The following BTD variants were observed in gnomAD, a reference collection of about 807,000 sequenced individuals.
The protein encoded by BTD is biocytinase.
BTD carries 13 observed loss-of-function variants against 17.7 expected under a neutral mutation model. The ratio of observed to expected loss-of-function variants is 0.74; its 90% CI spans 0.48 to 1.17. The LOEUF is 1.17. Ranked by LOEUF, BTD falls within the 50% of genes most tolerant of loss-of-function variation. The pLI is 0.00. For synonymous variants in BTD, 240 were observed against 245.2 expected, an observed-to-expected ratio of 0.98 and a Z score of 0.20; for missense variants, 674 against 650.4, an observed-to-expected ratio of 1.04 and a Z score of -0.39.
downstream of BTD, among the ~76,000 whole-genome samples, chr3:15,717,513 T>G: frequency 6.7e-6 from 1 of 149,014 alleles, no homozygotes; most frequent in East Asian, 1.9e-4. Flanking sequence ...AGCAGAAAAC[T>G]AGGAGTATTA....
rs2065689592 is a variant in BTD at position 15,646,126 on chromosome 3, T to C, written c.*638T>C. ...AGTAATGGAATTTTCTGTCAGTAAA[T>C]GGAATGTGTAGGCAGGACCTGGAAT... is the stretch of plus-strand genomic sequence containing the variant. On this transcript the variant is annotated 3_prime_UTR_variant, in exon 4 of 4. Coordinates refer to ENST00000643237, the MANE Select transcript of BTD (RefSeq NM_001370658.1). 6.6e-6 allele frequency: 1 copy of C among 151,966 alleles called. No homozygotes were observed. Among genetic ancestry groups the C allele is most frequent in the Non-Finnish European group, 1.5e-5 (1 of 68,104 alleles). The allele number at this position is 151,966 out of a possible 1,614,324, so 9.4% of individuals were successfully genotyped here.
intron 3 of BTD, among the ~76,000 whole-genome samples, chr3:15,643,480 G>A (rs964554253): frequency 2.6e-5 from 4 of 151,728 alleles, no homozygotes; most frequent in African/African-American, 4.8e-5. Context: ...CAGCCTGGGC[G>A]ACAGAGCCAG....
rs1201251362 is a variant in BTD, at chr3:15,644,794, T to C, written c.878T>C (p.Ile293Thr). Residue 293 changes from isoleucine to threonine, a missense_variant, in exon 4 of 4, where the codon ATA (isoleucine) becomes ACA (threonine). Ile to Thr is a moderately conservative substitution (Grantham distance 89). Coordinates refer to ENST00000643237, the MANE Select transcript of BTD (RefSeq NM_001370658.1). ...HPVLGMTGSG[I>T]HTPLESFWYH... ...GTTCTGGGGATGACAGGAAGTGGCA[T>C]ACACACCCCTCTGGAGTCCTTTTGG... The C allele has an allele frequency of 1.9e-6, 3 of 1,614,030 alleles. No homozygotes were observed. Among genetic ancestry groups the C allele is most frequent in the African/African-American group, 1.3e-5 (1 of 74,898 alleles).
At chr3:15,617,633 C>G (rs1015381068) in intron 1 of BTD, among the ~76,000 whole-genome samples, 1 of 152,098 alleles carries the variant, frequency 6.6e-6, no homozygotes, top group Admixed American at 6.5e-5. Context: ...CAGTAGAGTT[C>G]AATAGTTTTC....
At chr3:15,620,780 C>T (rs2064929090) in intron 1 of BTD, among the ~76,000 whole-genome samples, 1 of 152,370 alleles carries the variant, frequency 6.6e-6, no homozygotes, top group East Asian at 1.9e-4. Flanking sequence ...TCCCTCCATT[C>T]AGGGTCCCTG....
Position 15,635,813 on chromosome 3 carries a change from C to T in BTD, c.249+125C>T. On this transcript the variant is annotated intron_variant, in intron 2 of 3. Coordinates refer to ENST00000643237, the MANE Select transcript of BTD (RefSeq NM_001370658.1). The surrounding 1 kb of genome is among the most constrained non-coding windows in gnomAD (Gnocchi z 4.1). ...CTGAAAAAGCATCCAGGTAGTTAACCTGAGTTGAGTTAGTCAGTTGAATTA... is the reference window on the plus strand; with the variant it reads ...CTGAAAAAGCATCCAGGTAGTTAACTTGAGTTGAGTTAGTCAGTTGAATTA... The T allele has an allele frequency of 7.2e-7, 1 of 1,387,500 alleles. No homozygotes were observed. Among genetic ancestry groups the T allele is most frequent in the Non-Finnish European group, 1.0e-6 (1 of 990,954 alleles). 85.9% of individuals were successfully genotyped at this position (1,387,500 alleles called of 1,614,324 possible).
chr3:15,720,227 A>AC (rs1414777950), intron 4 of BTD, among the ~76,000 whole-genome samples: 1 of 152,112 alleles, frequency 6.6e-6, no homozygotes, highest in African/African-American at 2.4e-5. Context: ...ACAAAAAAAA[A>AC]CCAAAAAGCA....
At chr3:15,687,637 A>G (rs987253071) in intron 3 of BTD, among the ~76,000 whole-genome samples, 7 of 152,220 alleles carry the variant, frequency 4.6e-5, no homozygotes, top group Non-Finnish European at 7.3e-5. Context: ...AATATTCCAC[A>G]GTATGTTCCC....
intron 4 of BTD, chr3:15,721,078 T>C (rs2124920662): frequency 6.2e-7 from 1 of 1,613,820 alleles, no homozygotes; most frequent in East Asian, 2.2e-5. Context: ...TTGTCCATTA[T>C]AGCAGGCTAC....
chr3:15,627,440 C>G (rs1367126162), intron 1 of BTD, among the ~76,000 whole-genome samples: 3 of 152,122 alleles, frequency 2.0e-5, no homozygotes, highest in Non-Finnish European at 2.9e-5. Context: ...GTTGCCCAGG[C>G]TAGTTTCAAC....
intron 3 of BTD, chr3:15,689,877 G>T: frequency 2.9e-6 from 2 of 682,796 alleles, no homozygotes; most frequent in Non-Finnish European, 4.8e-6. Flanking sequence ...GTTATTTGGT[G>T]AGGTCAAATA....
chr3:15,670,391 G>C, intron 3 of BTD: 1 of 1,613,944 alleles, frequency 6.2e-7, no homozygotes, highest in Non-Finnish European at 8.5e-7. Context: ...GATGGGCAAA[G>C]CTTCAAAGCT....
chr3:15,707,986 A>C, intron 3 of BTD: 1 of 1,612,404 alleles, frequency 6.2e-7, no homozygotes, highest in Non-Finnish European at 8.5e-7. Context: ...CATCAAGGTC[A>C]TTCACACTTG....
intron 4 of BTD, among the ~76,000 whole-genome samples, chr3:15,718,331 G>A (rs2073311133): frequency 6.6e-6 from 1 of 152,222 alleles, no homozygotes; most frequent in Non-Finnish European, 1.5e-5. Flanking sequence ...ATCACAGGCT[G>A]TTGCTGTCAA....
chr3:15,607,667 C>T (rs952217754), intron 1 of BTD, among the ~76,000 whole-genome samples: 4 of 152,226 alleles, frequency 2.6e-5, no homozygotes, highest in South Asian at 2.1e-4. Context: ...GAAATGTTTA[C>T]TTATCAAATG....
At chr3:15,695,836 A>G (rs2069460223) in intron 3 of BTD, among the ~76,000 whole-genome samples, 1 of 152,140 alleles carries the variant, frequency 6.6e-6, no homozygotes, top group South Asian at 2.1e-4. Flanking sequence ...ACACAGTTAT[A>G]GTTTTTTAGA....
downstream of BTD, chr3:15,714,552 A>C (rs564911649): frequency 5.3e-3 from 7,287 of 1,366,494 alleles, 40 homozygotes; most frequent in African/African-American, 0.013. Flanking sequence ...AAAAAACCCC[A>C]AAAAAAAAAC....
chr3:15,722,380 T>C (rs1559407477), downstream of BTD, among the ~76,000 whole-genome samples: 1 of 152,246 alleles, frequency 6.6e-6, no homozygotes, highest in Non-Finnish European at 1.5e-5. Flanking sequence ...AACAGTAATG[T>C]GTCCTGACTC....
chr3:15,623,205 G>T (rs1479773848), intron 1 of BTD, among the ~76,000 whole-genome samples: 2 of 152,148 alleles, frequency 1.3e-5, no homozygotes. Flanking sequence ...ACAATTCAAG[G>T]TGAAATTTGG....
Sources: gnomAD v4.1 joint callset for allele counts (sites outside exome capture counted in the v4.1 genomes callset) on GRCh38, gnomAD v4.1.1 for gene constraint, Gnocchi (gnomAD v3.1) non-coding constraint, MANE v1.5 for transcripts, NCBI Gene and HGNC (gene_info 2026-07-23, HGNC 2026-07-21) for gene names.